The following RFC2 variants were observed in gnomAD, a reference collection of about 807,000 sequenced individuals.
RFC2 encodes replication factor C subunit 2, also known as A1 40 kDa subunit.
Under a neutral mutation model 44.8 loss-of-function variants are expected in RFC2, and 34 were observed. The observed-to-expected ratio is 0.76, with a 90% CI of 0.58 to 1.01. RFC2 has a LOEUF of 1.01. Ranked by LOEUF, RFC2 falls within the 50% of genes least tolerant of loss-of-function variation. RFC2 has a pLI of 0.00. For missense variants in RFC2, 400 were observed against 453.6 expected (o/e 0.88, Z 1.07); for synonymous variants, 177 against 168.9 (o/e 1.05, Z -0.37).
chr7:74,245,173 G>T (rs1262698478), intron 5 of RFC2, among the ~76,000 whole-genome samples: 1 of 151,726 alleles, frequency 6.6e-6, no homozygotes, highest in African/African-American at 2.4e-5. Context: ...GGGATTACAG[G>T]TATGTGCCAC....
intron 9 of RFC2, 119 bp from the exon 10 acceptor site, chr7:74,235,764 T>C (rs1350515095): frequency 2.9e-6 from 2 of 697,286 alleles, no homozygotes; most frequent in South Asian, 3.0e-5. Context: ...GTACCTTAAC[T>C]GATTTTCATG....
At chr7:74,252,342 G>A in intron 2 of RFC2, 87 bp downstream of exon 2, 1 of 738,652 alleles carries the variant, frequency 1.4e-6, no homozygotes. Flanking sequence ...GGGAGGCGGA[G>A]CTTGCAGTGA....
At chr7:74,246,910 A>T (rs1279736162) in intron 4 of RFC2, 147 bp from the exon 5 acceptor site, 1 of 496,952 alleles carries the variant, frequency 2.0e-6, no homozygotes, top group Non-Finnish European at 3.6e-6. Context: ...ACTATTTATA[A>T]GGATTGAGAT....
intron 4 of RFC2, among the ~76,000 whole-genome samples, chr7:74,247,444 A>G (rs1803682710): frequency 6.6e-6 from 1 of 152,220 alleles, no homozygotes; most frequent in Non-Finnish European, 1.5e-5. Flanking sequence ...GTTTAAGATC[A>G]ACCTGGCCAA....
At chr7:74,237,067 ATTT>A (rs113196096) in intron 9 of RFC2, among the ~76,000 whole-genome samples, 2 of 150,540 alleles carry the variant, frequency 1.3e-5, no homozygotes, top group African/African-American at 2.4e-5. Context: ...TCCTAGCATA[ATTT>A]TTTTTTTCCA....
intron 3 of RFC2, 87 bp from the exon 4 acceptor site, chr7:74,249,205 C>T (rs1209587598): frequency 6.3e-7 from 1 of 1,596,152 alleles, no homozygotes; most frequent in Non-Finnish European, 8.5e-7. Flanking sequence ...GTTTGCATCT[C>T]CGTCACCTCT....
intron 9 of RFC2, chr7:74,237,142 G>GT: frequency 2.5e-6 from 1 of 403,016 alleles, no homozygotes; most frequent in Non-Finnish European, 4.6e-6. Context: ...CTGAGACAGG[G>GT]TCTCACCATC....
chr7:74,240,167 A>C, intron 6 of RFC2, 72 bp from the exon 7 acceptor site: 1 of 1,437,646 alleles, frequency 7.0e-7, no homozygotes. Context: ...CTTTGGTCAT[A>C]AGGCTGCAGC....
chr7:74,249,672 A>C, intron 3 of RFC2, 67 bp downstream of exon 3: 1 of 1,323,508 alleles, frequency 7.6e-7, no homozygotes, highest in South Asian at 1.2e-5. Flanking sequence ...TGTGCACAAG[A>C]AAGCAGTTCA....
intron 3 of RFC2, 60 bp downstream of exon 3, chr7:74,249,678 GT>G: frequency 7.2e-7 from 1 of 1,390,948 alleles, no homozygotes; most frequent in Non-Finnish European, 1.0e-6. Context: ...CAAGAAAGCA[GT>G]TCAGCGGACA....
intron 2 of RFC2, among the ~76,000 whole-genome samples, chr7:74,251,469 T>C (rs1786937224): frequency 6.6e-6 from 1 of 152,112 alleles, no homozygotes; most frequent in Non-Finnish European, 1.5e-5. Context: ...GGATTACAGG[T>C]GTAAGCCACT....
chr7:74,238,293 C>A lies in RFC2; in HGVS notation c.759+630G>T, dbSNP rs1392466461. Among the ~76,000 whole-genome samples, 1 of 152,116 alleles carries A rather than the reference C, an allele frequency of 6.6e-6. No individual in the cohort carries two copies. The highest frequency in any genetic ancestry group is 1.5e-5 in the Non-Finnish European group (1 of 68,032). On this transcript the variant is annotated intron_variant, in intron 8 of 10. Transcript: ENST00000055077. The surrounding 1 kb of genome is among the most constrained non-coding windows in gnomAD (Gnocchi z 4.0). The stretch of plus-strand genomic sequence containing the variant: ...GACAGCCCTTCCCAGTTTCTTCCCC[C>A]AAATAAGGGGGAAGTGAATCTCTCA...
At chr7:74,250,463 C>T (rs1162803032) in intron 2 of RFC2, among the ~76,000 whole-genome samples, 1 of 152,012 alleles carries the variant, frequency 6.6e-6, no homozygotes, top group Admixed American at 6.6e-5. Context: ...CAAAACTGAA[C>T]ACTTCATTCT....
intron 5 of RFC2, among the ~76,000 whole-genome samples, chr7:74,245,206 T>C (rs1050292804): frequency 1.3e-5 from 2 of 151,632 alleles, no homozygotes; most frequent in African/African-American, 2.4e-5. Context: ...ATTTTGTATT[T>C]TTAGTAGAGA....
At chr7:74,236,117 C>G (rs1803000926) in intron 9 of RFC2, among the ~76,000 whole-genome samples, 1 of 152,180 alleles carries the variant, frequency 6.6e-6, no homozygotes, top group African/African-American at 2.4e-5. Flanking sequence ...CAGCTGCAGT[C>G]CCAATGCAAC....
intron 2 of RFC2, among the ~76,000 whole-genome samples, chr7:74,251,797 C>CA (rs1158873785): frequency 0.021 from 1,185 of 56,830 alleles, 22 homozygotes; most frequent in East Asian, 0.08. Context: ...GACTCCATCT[C>CA]AAAAAAAAAA....
In RFC2 at chr7:74,252,523, C is replaced by T. The variant is rs77326053; in HGVS notation, c.114-25G>A. On this transcript the variant is annotated intron_variant, in intron 1 of 10. Coordinates refer to ENST00000055077, the MANE Select transcript of RFC2 (RefSeq NM_181471.3). ...CCTGTTAAGAAAATGCATAAAAATG[C>T]TGACATGGTTATCTTCACACTACCC... 20,985 of 1,390,450 alleles carry T rather than the reference C, an allele frequency of 0.015. 2,193 individuals are homozygous for T. In the African/African-American group the frequency reaches 0.24, roughly 16 times the overall value. The allele number at this position is 1,390,450 out of a possible 1,614,324, so 86.1% of individuals were successfully genotyped here.
At position 74,246,703 on chromosome 7, in the gene RFC2, G is replaced by A; in HGVS notation, c.393C>T (p.Pro131=). Residue 131 remains proline, a synonymous_variant, in exon 5 of 11, where the codon CCC becomes CCT. Transcript: ENST00000055077. ...KMFAQQKVTL[P]KGRHKIIILD... is the part of the protein sequence containing the mutation. Reference sequence around the variant, plus strand: ...GAATGATGATCTTATGTCGGCCTTTGGGAAGAGTGACTTTTTGTTGAGCAA... The same window carrying A: ...GAATGATGATCTTATGTCGGCCTTTAGGAAGAGTGACTTTTTGTTGAGCAA... 6.2e-7 allele frequency: 1 copy of A among 1,612,900 alleles called. No individual in the cohort carries two copies. Among genetic ancestry groups the A allele is most frequent in the Non-Finnish European group, 8.5e-7 (1 of 1,179,248 alleles).
At position 74,238,247 on chromosome 7, in the gene RFC2, C is replaced by G. The variant is rs1275066359; in HGVS notation, c.759+676G>C. On this transcript the variant is annotated intron_variant, in intron 8 of 10. Coordinates refer to ENST00000055077, the MANE Select transcript of RFC2 (RefSeq NM_181471.3). The surrounding 1 kb of genome is among the most constrained non-coding windows in gnomAD (Gnocchi z 4.0). ...TGTTGTCCACAAACCTGGTAAGAAA[C>G]AGCTATAGGCTGAAAGCTTGGACAG... is the stretch of plus-strand genomic sequence containing the variant. Among the ~76,000 whole-genome samples, 1 of 152,174 alleles carries G rather than the reference C, an allele frequency of 6.6e-6. No homozygotes were observed. Among genetic ancestry groups the G allele is most frequent in the Non-Finnish European group, 1.5e-5 (1 of 68,018 alleles).
Sources: allele counts gnomAD v4.1 joint callset (sites outside exome capture counted in the v4.1 genomes callset), GRCh38; gene constraint gnomAD v4.1.1; non-coding constraint Gnocchi (gnomAD v3.1); transcripts MANE v1.5; gene names NCBI Gene and HGNC (gene_info 2026-07-23, HGNC 2026-07-21).